PLXNA4: variants seen among roughly 807,000 people sequenced by gnomAD.
PLXNA4 encodes plexin A4.
PLXNA4 carries 44 observed loss-of-function variants against 191.8 expected under a neutral mutation model. The observed-to-expected ratio is 0.23, with a 90% CI of 0.18 to 0.29. PLXNA4 has a LOEUF of 0.29. Ranked by LOEUF, PLXNA4 falls within the 10% of genes least tolerant of loss-of-function variation. The probability of loss-of-function intolerance (pLI) is 1.00; values close to 1 mark genes in which losing one functional copy is unlikely to be tolerated. For missense variants in PLXNA4, 1,800 were observed against 2,488.8 expected, an observed-to-expected ratio of 0.72 and a Z score of 5.89; for synonymous variants, 1,082 against 1,009.5, an observed-to-expected ratio of 1.07 and a Z score of -1.36.
intron 3 of PLXNA4, among the ~76,000 whole-genome samples, chr7:132,481,310 A>G (rs1448948422): frequency 1.3e-5 from 2 of 152,074 alleles, no homozygotes; most frequent in African/African-American, 4.8e-5. Context: ...GCTCCAGGGT[A>G]GGTACCAGAG....
chr7:132,534,807 G>A (rs368776474), intron 1 of PLXNA4, among the ~76,000 whole-genome samples: 8 of 152,344 alleles, frequency 5.3e-5, no homozygotes, highest in African/African-American at 1.9e-4. Context: ...TGAGGGGCAT[G>A]GATCTTACAG....
intron 3 of PLXNA4, among the ~76,000 whole-genome samples, chr7:132,367,405 C>T (rs1804230008): frequency 6.6e-6 from 1 of 151,982 alleles, no homozygotes; most frequent in South Asian, 2.1e-4. Context: ...GCGTACCACC[C>T]TCAAAAAGGA....
chr7:132,619,893 C>T (rs556214443), intron 2 of PLXNA4, among the ~76,000 whole-genome samples: 64 of 152,302 alleles, frequency 4.2e-4, no homozygotes, highest in African/African-American at 1.4e-3. Context: ...CTCCGCCTCC[C>T]GGGTTCATGC....
Position 132,157,684 on chromosome 7 carries a change from G to A in PLXNA4, c.4660+1789C>T, listed in dbSNP as rs147123746. Among the ~76,000 whole-genome samples the A allele has an allele frequency of 2.7e-3, 411 of 152,262 alleles. 5 individuals are homozygous for A. The highest frequency in any genetic ancestry group is 9.5e-3 in the African/African-American group (393 of 41,540). ...TCTGGACTCTCCTCCCACCTGAATT[G>A]CATTAAGGACCCTGCAAAGCTGAAG... On this transcript the variant is annotated intron_variant, in intron 25 of 31. Transcript: ENST00000321063.
chr7:132,241,262 C>T (rs1798867253), intron 4 of PLXNA4, 96 bp from the exon 5 acceptor site: 2 of 819,338 alleles, frequency 2.4e-6, no homozygotes, highest in African/African-American at 1.7e-5. Context: ...AGTGTATCAC[C>T]TGAAATGTTG....
intron 14 of PLXNA4, among the ~76,000 whole-genome samples, chr7:132,189,652 G>A (rs985932678): frequency 6.6e-6 from 1 of 152,166 alleles, no homozygotes; most frequent in African/African-American, 2.4e-5. Flanking sequence ...GGGAGCTAGG[G>A]GCTTCTGTGT....
At chr7:132,470,592 A>C (rs747189593) in intron 3 of PLXNA4, among the ~76,000 whole-genome samples, 1 of 152,210 alleles carries the variant, frequency 6.6e-6, no homozygotes, top group Non-Finnish European at 1.5e-5. Flanking sequence ...GGAAGATATC[A>C]TGAAGTTAAG....
chr7:132,318,835 G>A (rs572779826), intron 3 of PLXNA4, among the ~76,000 whole-genome samples: 1 of 152,218 alleles, frequency 6.6e-6, no homozygotes. Context: ...AGGTATGTGT[G>A]TGCGCGGGTC....
chr7:132,394,893 A>G (rs1459734825), intron 3 of PLXNA4, among the ~76,000 whole-genome samples: 1 of 152,186 alleles, frequency 6.6e-6, no homozygotes, highest in Admixed American at 6.5e-5. Flanking sequence ...CTCTGAGGCC[A>G]TCTGTGGCTC....
At chr7:132,305,742 A>G (rs1801493930) in intron 3 of PLXNA4, among the ~76,000 whole-genome samples, 1 of 152,166 alleles carries the variant, frequency 6.6e-6, no homozygotes, top group Non-Finnish European at 1.5e-5. Context: ...TAGCAGGCAG[A>G]TGCTTGCACT....
At chr7:132,357,124 G>A (rs1469081988) in intron 3 of PLXNA4, among the ~76,000 whole-genome samples, 6 of 152,170 alleles carry the variant, frequency 3.9e-5, no homozygotes, top group Non-Finnish European at 8.8e-5. Flanking sequence ...CAAAAGCCTG[G>A]AAAAAATGTA....
chr7:132,489,316 G>A lies in PLXNA4; in HGVS notation c.1347C>T (p.Gly449=), dbSNP rs1797687223. ...VYKNHSLAFV[G]TKSGKLKKIR... is the part of the protein sequence containing the mutation. ...CCTTCTTCAGCTTGCCACTTTTGGTGCCCACAAAGGCCAGAGAGTGGTTCT... is the reference window on the plus strand; with the variant it reads ...CCTTCTTCAGCTTGCCACTTTTGGTACCCACAAAGGCCAGAGAGTGGTTCT... The change falls in exon 3 of 32, where the codon GGC becomes GGT. Residue 449 remains glycine, a synonymous_variant. Transcript: ENST00000321063. 3.2e-6 allele frequency: 5 copies of A among 1,585,750 alleles called. No individual in the cohort carries two copies. The highest frequency in any genetic ancestry group is 4.3e-6 in the Non-Finnish European group (5 of 1,156,332).
At chr7:132,148,935 G>A (rs1795513982) in intron 25 of PLXNA4, among the ~76,000 whole-genome samples, 1 of 152,146 alleles carries the variant, frequency 6.6e-6, no homozygotes, top group African/African-American at 2.4e-5. Context: ...AAAAGTAGGT[G>A]CTCAAAAAGT....
At chr7:132,375,121 C>T (rs1487260505) in intron 3 of PLXNA4, among the ~76,000 whole-genome samples, 1 of 152,206 alleles carries the variant, frequency 6.6e-6, no homozygotes, top group East Asian at 1.9e-4. Flanking sequence ...CCAAGACAGA[C>T]ACTTTAGCTG....
At chr7:132,634,535 C>T (rs1284608424) in intron 2 of PLXNA4, among the ~76,000 whole-genome samples, 1 of 152,154 alleles carries the variant, frequency 6.6e-6, no homozygotes, top group Non-Finnish European at 1.5e-5. Flanking sequence ...CTATCCCACT[C>T]TTTGCCTTAA....
chr7:132,280,888 A>C (rs1800454384), intron 4 of PLXNA4, among the ~76,000 whole-genome samples: 1 of 152,194 alleles, frequency 6.6e-6, no homozygotes, highest in Non-Finnish European at 1.5e-5. Context: ...CATAGTAAAA[A>C]GTTCTTTGAG....
chr7:132,250,220 C>G (rs371100986), intron 4 of PLXNA4, among the ~76,000 whole-genome samples: 22 of 152,286 alleles, frequency 1.4e-4, no homozygotes, highest in Admixed American at 6.5e-4. Context: ...ATGCTAATGG[C>G]AACTCTGTTG....
At chr7:132,647,314 C>A (rs1319605089) in intron 1 of PLXNA4, among the ~76,000 whole-genome samples, 1 of 151,872 alleles carries the variant, frequency 6.6e-6, no homozygotes, top group Non-Finnish European at 1.5e-5. Context: ...TTCACAAACA[C>A]CCACATGCTA....
intron 28 of PLXNA4, among the ~76,000 whole-genome samples, chr7:132,146,156 G>T (rs1177729923): frequency 1.3e-5 from 2 of 151,256 alleles, no homozygotes; most frequent in African/African-American, 4.9e-5. Context: ...TCCCCAACTT[G>T]AGATTGTAGA....
Sources: allele counts gnomAD v4.1 joint callset (sites outside exome capture counted in the v4.1 genomes callset), GRCh38; gene constraint gnomAD v4.1.1; transcripts MANE v1.5; gene names NCBI Gene and HGNC (gene_info 2026-07-23, HGNC 2026-07-21).